The following UGT2B7 variants were observed in gnomAD, a reference collection of about 807,000 sequenced individuals.
UGT2B7 encodes the protein UDP glucuronosyltransferase family 2 member B7.
UGT2B7 carries 51 observed loss-of-function variants against 51.9 expected under a neutral mutation model. The observed-to-expected ratio is 0.98, with a 90% CI of 0.78 to 1.24. The LOEUF (loss-of-function observed/expected upper bound fraction) is 1.24, where lower values mean the gene tolerates loss of function less well. UGT2B7 is among the 50% of genes most tolerant of loss of function. UGT2B7 has a pLI of 0.00. For synonymous variants in UGT2B7, 225 were observed against 211.6 expected (o/e 1.06, Z -0.55); for missense variants, 727 against 628.4 (o/e 1.16, Z -1.68).
chr4:69,079,589 T>G (rs56879009), intron 1 of UGT2B7, among the ~76,000 whole-genome samples: 7 of 151,932 alleles, frequency 4.6e-5, no homozygotes, highest in East Asian at 3.9e-4. Flanking sequence ...GAAGTATATT[T>G]TCATACCTGA....
intron 1 of UGT2B7, among the ~76,000 whole-genome samples, chr4:69,064,646 C>T (rs577020526): frequency 6.6e-6 from 1 of 152,250 alleles, no homozygotes; most frequent in South Asian, 2.1e-4. Context: ...CAAGTTAGCC[C>T]ACCCCTTTTG....
intron 1 of UGT2B7, among the ~76,000 whole-genome samples, chr4:69,058,352 G>C (rs1718258830): frequency 6.6e-6 from 1 of 152,168 alleles, no homozygotes; most frequent in Non-Finnish European, 1.5e-5. Flanking sequence ...ACTCCAGGAA[G>C]TTAAGGTGAA....
chr4:69,092,518 G>T (rs1484823490), upstream of UGT2B7, among the ~76,000 whole-genome samples: 1 of 148,038 alleles, frequency 6.8e-6, no homozygotes, highest in African/African-American at 2.5e-5. Context: ...GAAACTTCTA[G>T]CTCCACCTTC....
chr4:69,071,873 G>C (rs776062476), intron 1 of UGT2B7, among the ~76,000 whole-genome samples: 3 of 151,924 alleles, frequency 2.0e-5, no homozygotes, highest in Non-Finnish European at 4.4e-5. Flanking sequence ...TATTAGTCTG[G>C]GGAAATTATG....
rs2109898134 is a variant in UGT2B7 at position 69,112,841 on chromosome 4, A to AG, written c.*105_*106insG. ...AGATTTCTTTCTTCCTGAGACAAAA[A>AG]AAAAAAAAGAAAAAAAAATCTTTTC... On this transcript the variant is annotated 3_prime_UTR_variant, in exon 6 of 6. Coordinates refer to ENST00000305231, the MANE Select transcript of UGT2B7 (RefSeq NM_001074.4). 7.2e-7 allele frequency: 1 copy of AG among 1,387,956 alleles called. No homozygotes were observed. The highest frequency in any genetic ancestry group is 9.5e-7 in the Non-Finnish European group (1 of 1,057,344). The allele number at this position is 1,387,956 out of a possible 1,614,324, so 86.0% of individuals were successfully genotyped here.
intron 3 of UGT2B7, among the ~76,000 whole-genome samples, chr4:69,105,994 G>A (rs1441777023): frequency 1.3e-5 from 2 of 151,774 alleles, no homozygotes; most frequent in African/African-American, 2.4e-5. Context: ...TAAGCACGCA[G>A]GTCATTACAA....
In UGT2B7 at chr4:69,060,019, A is replaced by G. The variant is rs1056890709; in HGVS notation, c.-159+8417A>G. Among the ~76,000 whole-genome samples, 7 of 152,182 alleles carry G rather than the reference A, an allele frequency of 4.6e-5. No homozygotes were observed. The South Asian group carries it at 1.4e-3, about 31-fold the overall frequency. On this transcript the variant is annotated intron_variant, in intron 1 of 5. Transcript: ENST00000502942. ...CAGTACACTTGGACAAGACTCCCAC[A>G]AGGATTTAAAAACTCTCCTACAATC...
Position 69,096,907 on chromosome 4 carries a change from T to G in UGT2B7, c.387T>G (p.Asp129Glu). ...FGDITRKFCK[D>E]VVSNKKFMKK... ...ACATAACTAGAAAGTTCTGTAAAGATGTAGTTTCAAATAAGAAATTTATGA... is the reference window on the plus strand; with the variant it reads ...ACATAACTAGAAAGTTCTGTAAAGAGGTAGTTTCAAATAAGAAATTTATGA... The change falls in exon 1 of 6, where the codon GAT becomes GAG. Residue 129 changes from aspartate to glutamate, a missense_variant. By Grantham distance (45) the Asp-to-Glu change is conservative. Transcript: ENST00000305231. 4 of 1,611,978 alleles carry G rather than the reference T, an allele frequency of 2.5e-6. No individual in the cohort carries two copies. The highest frequency in any genetic ancestry group is 3.4e-6 in the Non-Finnish European group (4 of 1,179,488).
chr4:69,096,803 A>G lies in UGT2B7; in HGVS notation c.283A>G (p.Lys95Glu). 6.2e-7 allele frequency: 1 copy of G among 1,614,004 alleles called. No individual in the cohort carries two copies. The highest frequency in any genetic ancestry group is 8.5e-7 in the Non-Finnish European group (1 of 1,179,898). The change falls in exon 1 of 6, where the codon AAG (lysine) becomes GAG (glutamate). Residue 95 changes from lysine (K) to glutamate (E), a missense_variant. By Grantham distance (56) the Lys-to-Glu change is moderately conservative (BLOSUM62 1). Transcript: ENST00000305231. ...ELENFIMQQI[K>E]RWSDLPKDTF... ...GGAGAATTTCATCATGCAACAGATTAAGAGATGGTCAGACCTTCCAAAAGA... is the reference window on the plus strand; with the variant it reads ...GGAGAATTTCATCATGCAACAGATTGAGAGATGGTCAGACCTTCCAAAAGA...
chr4:69,077,661 T>A (rs1718745530), intron 1 of UGT2B7, among the ~76,000 whole-genome samples: 1 of 152,176 alleles, frequency 6.6e-6, no homozygotes, highest in Non-Finnish European at 1.5e-5. Context: ...AAGTTGCTTA[T>A]CAGCTTAAGG....
intron 1 of UGT2B7, among the ~76,000 whole-genome samples, chr4:69,070,793 A>T (rs998319466): frequency 6.6e-6 from 1 of 152,118 alleles, no homozygotes; most frequent in African/African-American, 2.4e-5. Flanking sequence ...GTCACCTTCT[A>T]GGACAAATCC....
At chr4:69,087,565 A>C (rs1718989908) in intron 1 of UGT2B7, among the ~76,000 whole-genome samples, 2 of 151,892 alleles carry the variant, frequency 1.3e-5, no homozygotes, top group South Asian at 4.1e-4. Flanking sequence ...ATTACATGTG[A>C]GTGTCCTTTT....
upstream of UGT2B7, among the ~76,000 whole-genome samples, chr4:69,095,281 T>C (rs942643905): frequency 5.3e-5 from 8 of 152,122 alleles, no homozygotes; most frequent in Admixed American, 4.6e-4. Flanking sequence ...TAGATGGTGA[T>C]AGGCTGGAAA....
intron 1 of UGT2B7, among the ~76,000 whole-genome samples, chr4:69,097,750 A>C (rs528214390): frequency 6.6e-6 from 1 of 152,196 alleles, no homozygotes; most frequent in South Asian, 2.1e-4. Flanking sequence ...CCTCAGATGC[A>C]AAAATCAATA....
intron 1 of UGT2B7, among the ~76,000 whole-genome samples, chr4:69,052,238 C>T (rs563183671): frequency 6.6e-6 from 1 of 151,948 alleles, no homozygotes; most frequent in African/African-American, 2.4e-5. Context: ...AGTTTCCATA[C>T]ATAGACAGTT....
At chr4:69,051,405 A>C (rs1718009284) in exon 1 of UGT2B7, 1 of 152,194 alleles carries the variant, frequency 6.6e-6, no homozygotes, top group Non-Finnish European at 1.5e-5. Flanking sequence ...TAGGCAACTT[A>C]AGCCTGCCTT....
chr4:69,068,071 A>G (rs1223074470), intron 1 of UGT2B7, among the ~76,000 whole-genome samples: 1 of 152,148 alleles, frequency 6.6e-6, no homozygotes, highest in Non-Finnish European at 1.5e-5. Flanking sequence ...ATACAAATAC[A>G]TATTTAAAAG....
At chr4:69,065,420 A>G (rs537244659) in intron 1 of UGT2B7, among the ~76,000 whole-genome samples, 2 of 152,306 alleles carry the variant, frequency 1.3e-5, no homozygotes, top group African/African-American at 4.8e-5. Flanking sequence ...TCAAAGAGTT[A>G]ACAGCCAACA....
chr4:69,061,247 T>C (rs1354808636), intron 1 of UGT2B7, among the ~76,000 whole-genome samples: 1 of 152,172 alleles, frequency 6.6e-6, no homozygotes, highest in Non-Finnish European at 1.5e-5. Flanking sequence ...CATGGGGCTA[T>C]TTACAAAGAA....
Sources: gnomAD v4.1 joint callset for allele counts (sites outside exome capture counted in the v4.1 genomes callset) on GRCh38, gnomAD v4.1.1 for gene constraint, MANE v1.5 for transcripts, NCBI Gene and HGNC (gene_info 2026-07-23, HGNC 2026-07-21) for gene names.